CDH13: variants seen among roughly 807,000 people sequenced by gnomAD.
The protein encoded by CDH13 is cadherin-13.
A neutral mutation model predicts 63.8 loss-of-function variants in CDH13; 24 were observed. That is an observed-to-expected ratio of 0.38 (90% CI 0.27 to 0.53). The LOEUF is 0.53. Among genes scored for constraint, CDH13 ranks in the 20% least tolerant of loss-of-function variants. CDH13 has a pLI of 0.85. For missense variants in CDH13, 1,049 were observed against 903.1 expected, an observed-to-expected ratio of 1.16 and a Z score of -2.07; for synonymous variants, 503 against 355.3, an observed-to-expected ratio of 1.42 and a Z score of -4.67.
At chr16:83,708,955 C>T (rs575017820) in intron 10 of CDH13, among the ~76,000 whole-genome samples, 28 of 152,198 alleles carry the variant, frequency 1.8e-4, no homozygotes, top group East Asian at 1.9e-4. Flanking sequence ...ACTCAGGAGG[C>T]GGAGGTTGTG....
At chr16:83,719,529 A>G (rs1909399881) in intron 10 of CDH13, among the ~76,000 whole-genome samples, 1 of 152,140 alleles carries the variant, frequency 6.6e-6, no homozygotes, top group Admixed American at 6.5e-5. Context: ...CACATTTTCC[A>G]GCACAACAAC....
chr16:83,265,403 T>C (rs983657572), intron 5 of CDH13, among the ~76,000 whole-genome samples: 2 of 152,192 alleles, frequency 1.3e-5, no homozygotes, highest in Non-Finnish European at 2.9e-5. Flanking sequence ...GAACTCTAAG[T>C]TGAATATATT....
At chr16:83,547,064 A>G (rs574991984) in intron 7 of CDH13, among the ~76,000 whole-genome samples, 2 of 152,314 alleles carry the variant, frequency 1.3e-5, no homozygotes, top group East Asian at 1.9e-4. Context: ...ACTTTCTTCC[A>G]TAAAGGTGAA....
chr16:82,909,079 C>A (rs2041741775), intron 2 of CDH13, among the ~76,000 whole-genome samples: 1 of 152,084 alleles, frequency 6.6e-6, no homozygotes, highest in South Asian at 2.1e-4. Context: ...CTCTAGATTA[C>A]TTATGATATG....
chr16:83,526,655 G>T (rs2074968480), intron 7 of CDH13, among the ~76,000 whole-genome samples: 1 of 152,184 alleles, frequency 6.6e-6, no homozygotes, highest in Admixed American at 6.5e-5. Flanking sequence ...CCCGGGGGCT[G>T]GCGGCTCCTG....
intron 2 of CDH13, among the ~76,000 whole-genome samples, chr16:82,918,274 G>A (rs901196816): frequency 5.9e-5 from 9 of 152,120 alleles, no homozygotes; most frequent in Admixed American, 2.0e-4. Flanking sequence ...TGATTTAAAC[G>A]AGTTCACACC....
At chr16:83,136,649 C>G (rs973147193) in intron 4 of CDH13, among the ~76,000 whole-genome samples, 4 of 152,114 alleles carry the variant, frequency 2.6e-5, no homozygotes, top group South Asian at 2.1e-4. Flanking sequence ...CCTTCTCTGC[C>G]GGACAGCTTC....
At chr16:82,909,745 A>G (rs907300001) in intron 2 of CDH13, among the ~76,000 whole-genome samples, 2 of 152,082 alleles carry the variant, frequency 1.3e-5, no homozygotes, top group African/African-American at 4.8e-5. Flanking sequence ...TCCTCCCACA[A>G]CACATGAGAA....
At chr16:83,478,850 A>AG (rs1196576101) in intron 6 of CDH13, among the ~76,000 whole-genome samples, 161 of 151,194 alleles carry the variant, frequency 1.1e-3, no homozygotes, top group African/African-American at 3.7e-3. Context: ...AAAAAAAAAA[A>AG]AAAGAAAAAA....
At chr16:83,127,645 T>C (rs1270883267) in intron 4 of CDH13, among the ~76,000 whole-genome samples, 1 of 152,112 alleles carries the variant, frequency 6.6e-6, no homozygotes, top group African/African-American at 2.4e-5. Context: ...GAGAACCACT[T>C]GAACCCAGGA....
chr16:83,191,462 T>TATATATATATATATATATATATATGCAC (rs2038697942), intron 4 of CDH13, among the ~76,000 whole-genome samples: 1 of 105,562 alleles, frequency 9.5e-6, no homozygotes, highest in Non-Finnish European at 1.9e-5. Context: ...ATAGGAAATA[T>TATATATATATATATATATATATATGCAC]ATATATATAT....
chr16:82,821,396 A>C (rs1470493356), intron 1 of CDH13, among the ~76,000 whole-genome samples: 1 of 152,236 alleles, frequency 6.6e-6, no homozygotes, highest in African/African-American at 2.4e-5. Flanking sequence ...TGAATTTCCC[A>C]GGCTTGAAGT....
intron 6 of CDH13, among the ~76,000 whole-genome samples, chr16:83,386,633 C>T (rs959481990): frequency 2.6e-5 from 4 of 152,160 alleles, no homozygotes; most frequent in Non-Finnish European, 5.9e-5. Flanking sequence ...TAGTTGTGGT[C>T]ACTTCATTTA....
At chr16:82,754,469 T>C (rs2325684) in intron 1 of CDH13, among the ~76,000 whole-genome samples, 7,210 of 152,248 alleles carry the variant, frequency 0.047, 177 homozygotes, top group Middle Eastern at 0.058. Context: ...CTAACCAGCT[T>C]CCTATTTTCT....
At chr16:82,983,605 A>G (rs1288328381) in intron 2 of CDH13, among the ~76,000 whole-genome samples, 1 of 152,178 alleles carries the variant, frequency 6.6e-6, no homozygotes, top group Non-Finnish European at 1.5e-5. Flanking sequence ...ACAACAGAGG[A>G]ATCTGTGAGA....
rs552969207 is a variant in CDH13 at position 83,791,970 on chromosome 16, C to G, written c.2135-3053C>G. Among the ~76,000 whole-genome samples the G allele has an allele frequency of 2.6e-5, 4 of 152,332 alleles. No homozygotes were observed. The South Asian group carries it at 6.2e-4, about 24-fold the overall frequency. ...TAAGTGTACAGAATTTTATACCACG[C>G]CCTAGTCAAAATACAGTTTCCTTTG... is the stretch of plus-strand genomic sequence containing the variant. On this transcript the variant is annotated intron_variant, in intron 13 of 13. Coordinates refer to ENST00000567109, the MANE Select transcript of CDH13 (RefSeq NM_001257.5).
intron 2 of CDH13, among the ~76,000 whole-genome samples, chr16:83,029,066 T>G (rs1290125016): frequency 2.0e-5 from 3 of 152,196 alleles, no homozygotes; most frequent in African/African-American, 7.2e-5. Flanking sequence ...GTACTTTATT[T>G]GTTGTCATTG....
intron 1 of CDH13, chr16:82,719,412 C>G (rs1345151533): frequency 4.4e-6 from 2 of 455,814 alleles, no homozygotes; most frequent in Non-Finnish European, 8.8e-6. Context: ...CACTGGCTGT[C>G]CAATGGCTTG....
intron 2 of CDH13, among the ~76,000 whole-genome samples, chr16:82,929,345 C>G (rs2042403949): frequency 6.6e-6 from 1 of 151,948 alleles, no homozygotes; most frequent in South Asian, 2.1e-4. Flanking sequence ...TCGTCCTTTT[C>G]TACTACATGA....
Sources: gnomAD v4.1 joint callset for allele counts (sites outside exome capture counted in the v4.1 genomes callset) on GRCh38, gnomAD v4.1.1 for gene constraint, MANE v1.5 for transcripts, NCBI Gene and HGNC (gene_info 2026-07-23, HGNC 2026-07-21) for gene names.